The following ITGB5 variants were observed in gnomAD, a reference collection of about 807,000 sequenced individuals.
The protein encoded by ITGB5 is integrin beta-5.
Under a neutral mutation model 84.8 loss-of-function variants are expected in ITGB5, and 38 were observed. That is an observed-to-expected ratio of 0.45 (90% CI 0.35 to 0.59). The LOEUF (loss-of-function observed/expected upper bound fraction) is 0.59. Among genes scored for constraint, ITGB5 ranks in the 20% least tolerant of loss-of-function variants. ITGB5 has a pLI of 0.01. For missense variants in ITGB5, 905 were observed against 1,034.5 expected (o/e 0.87, Z 1.72); for synonymous variants, 393 against 414.4 (o/e 0.95, Z 0.63).
At chr3:124,819,963 G>A in intron 6 of ITGB5, 129 bp from the exon 7 acceptor site, 3 of 741,976 alleles carry the variant, frequency 4.0e-6, no homozygotes, top group South Asian at 3.0e-5. Flanking sequence ...GCCCCTTAGA[G>A]TCCCTTAATA....
At chr3:124,812,188 G>C (rs1357409463) in intron 8 of ITGB5, among the ~76,000 whole-genome samples, 1 of 152,168 alleles carries the variant, frequency 6.6e-6, no homozygotes, top group African/African-American at 2.4e-5. Context: ...TGAATGGATG[G>C]AGTCAAAGTG....
intron 1 of ITGB5, among the ~76,000 whole-genome samples, chr3:124,900,345 AATATGTGTGAGGC>A (rs1261765754): frequency 6.6e-6 from 1 of 152,200 alleles, no homozygotes; most frequent in Non-Finnish European, 1.5e-5. Context: ...TAAAGGGGTT[AATATGTGTGAGGC>A]ACAAGAATTG....
chr3:124,890,667 C>T (rs1267158184), upstream of ITGB5, among the ~76,000 whole-genome samples: 3 of 152,144 alleles, frequency 2.0e-5, no homozygotes, highest in Admixed American at 6.5e-5. Flanking sequence ...GAAAGTTCTG[C>T]GATCAAACCT....
At chr3:124,827,833 T>A (rs1437250911) in intron 5 of ITGB5, among the ~76,000 whole-genome samples, 1 of 152,118 alleles carries the variant, frequency 6.6e-6, no homozygotes, top group Non-Finnish European at 1.5e-5. Flanking sequence ...ACTGATGACA[T>A]TACCTTGTGA....
At chr3:124,895,884 A>G (rs1426480276) in intron 1 of ITGB5, among the ~76,000 whole-genome samples, 1 of 152,216 alleles carries the variant, frequency 6.6e-6, no homozygotes, top group Non-Finnish European at 1.5e-5. Flanking sequence ...TAGCTGAGCA[A>G]CCGTGCAACT....
Position 124,817,628 on chromosome 3 carries a change from G to A in ITGB5, c.1121C>T (p.Ala374Val), listed in dbSNP as rs1254558098. The A allele has an allele frequency of 3.9e-6, 6 of 1,519,730 alleles. No individual in the cohort carries two copies. Among genetic ancestry groups the A allele is most frequent in the African/African-American group, 1.4e-5 (1 of 71,806 alleles). 94.1% of individuals were successfully genotyped at this position (1,519,730 alleles called of 1,614,324 possible). ...AAGAAACTGATGACTTACATTGTAT[G>A]CATTAATAATCAGTTGAATAATATT... Reference protein sequence around the residue: ...SKNIIQLIINAYNSIRSKVEL... With the variant: ...SKNIIQLIINVYNSIRSKVEL... The change falls in exon 8 of 15, where the codon GCA becomes GTA. Residue 374 changes from alanine (A) to valine (V), a missense_variant. By Grantham distance (64) the Ala-to-Val change is moderately conservative (BLOSUM62 0). Around this residue, in one of 3 missense-constraint regions of ITGB5, gnomAD observed 656 missense variants for 734.7 expected, o/e 0.89. Coordinates refer to ENST00000296181, the MANE Select transcript of ITGB5 (RefSeq NM_002213.5).
At chr3:124,796,894 G>A in intron 9 of ITGB5, 77 bp from the exon 10 acceptor site, 11 of 1,429,124 alleles carry the variant, frequency 7.7e-6, no homozygotes, top group South Asian at 6.9e-5. Flanking sequence ...CAGGGCCCTT[G>A]ATGAAGAGCA....
upstream of ITGB5, among the ~76,000 whole-genome samples, chr3:124,888,882 C>T (rs1934931386): frequency 1.3e-5 from 2 of 152,200 alleles, no homozygotes; most frequent in South Asian, 2.1e-4. Context: ...CTCCCAAACT[C>T]TAACAAGGTG....
intron 14 of ITGB5, 108 bp downstream of exon 14, chr3:124,764,282 GT>G: frequency 8.4e-7 from 1 of 1,195,838 alleles, no homozygotes. Context: ...TGATTCTTTT[GT>G]TTTTAATGCC....
At chr3:124,766,108 T>C in intron 13 of ITGB5, 118 bp downstream of exon 13, 1 of 976,524 alleles carries the variant, frequency 1.0e-6, no homozygotes, top group Non-Finnish European at 1.5e-6. Flanking sequence ...CTCCTCTCCC[T>C]GCAGTTTCAA....
At chr3:124,837,775 G>A (rs2064955165) in intron 5 of ITGB5, among the ~76,000 whole-genome samples, 1 of 152,238 alleles carries the variant, frequency 6.6e-6, no homozygotes, top group African/African-American at 2.4e-5. Context: ...ACCAGAGTGA[G>A]AATAAAACCA....
intron 10 of ITGB5, among the ~76,000 whole-genome samples, chr3:124,783,290 C>CA (rs758967509): frequency 0.2 from 11,259 of 56,064 alleles, 1,173 homozygotes; most frequent in Non-Finnish European, 0.24. Context: ...GACTCCGTCT[C>CA]AAAAAAAAAA....
chr3:124,859,373 C>G lies in ITGB5; in HGVS notation c.230G>C (p.Gly77Ala). ...GCTGCTGGCTGGGCTCTCTATCTCACCTCCACAGCCATTTTTGACAAGGTT... is the reference window on the plus strand; with the variant it reads ...GCTGCTGGCTGGGCTCTCTATCTCAGCTCCACAGCCATTTTTGACAAGGTT... ...RANLVKNGCGGEIESPASSFH... is the reference protein window; with the variant it reads ...RANLVKNGCGAEIESPASSFH... Residue 77 changes from glycine to alanine, a missense_variant, in exon 3 of 15, where the codon GGT becomes GCT. This residue lies in a region of ITGB5 where 656 missense variants were observed against 734.7 expected (regional missense o/e 0.89). Transcript: ENST00000296181. The G allele has an allele frequency of 6.2e-7, 1 of 1,614,168 alleles. No homozygotes were observed. Among genetic ancestry groups the G allele is most frequent in the Non-Finnish European group, 8.5e-7 (1 of 1,180,028 alleles).
intron 3 of ITGB5, among the ~76,000 whole-genome samples, chr3:124,853,774 T>C (rs1486835045): frequency 6.6e-6 from 1 of 152,160 alleles, no homozygotes; most frequent in African/African-American, 2.4e-5. Context: ...AGAATGTACT[T>C]TTGTTATATT....
At position 124,821,531 on chromosome 3, in the gene ITGB5, C is replaced by A; in HGVS notation, c.781-57G>T. 3 of 1,562,824 alleles carry A rather than the reference C, an allele frequency of 1.9e-6. No homozygotes were observed. In the South Asian group the frequency reaches 3.4e-5, roughly 18 times the overall value. Reference sequence around the variant, plus strand: ...TCTTTCTGCCCAGTCCTGCCCTGGTCATGCAGGGCACTGGCCCCTCTCCAG... The same window carrying A: ...TCTTTCTGCCCAGTCCTGCCCTGGTAATGCAGGGCACTGGCCCCTCTCCAG... On this transcript the variant is annotated intron_variant, in intron 5 of 14. Transcript: ENST00000296181.
intron 2 of ITGB5, among the ~76,000 whole-genome samples, chr3:124,867,748 C>T (rs1484588205): frequency 6.6e-6 from 1 of 152,224 alleles, no homozygotes; most frequent in Non-Finnish European, 1.5e-5. Context: ...CTCCTCCAGG[C>T]ACATTCCTCA....
rs750712591 is a variant in ITGB5 at position 124,861,495 on chromosome 3, T to TATATATATATATATACAC, written c.157-2050_157-2049insGTGTATATATATATATAT. Among the ~76,000 whole-genome samples the TATATATATATATATACAC allele has an allele frequency of 3.8e-3, 427 of 111,924 alleles. 2 individuals carry two copies. The highest frequency in any genetic ancestry group is 0.015 in the African/African-American group (395 of 26,478). The allele number at this position is 111,924 out of a possible 152,430, so 73.4% of individuals were successfully genotyped here. A position where few individuals can be genotyped will look rare whatever the true frequency, so the allele number is the denominator to read the frequency against. ...ACAAAACAAAACATATATATATATA[T>TATATATATATATATACAC]ACACACACACACACACACACACACA... is the stretch of plus-strand genomic sequence containing the variant. On this transcript the variant is annotated intron_variant, in intron 2 of 14. Transcript: ENST00000296181.
In ITGB5 at chr3:124,784,734, T is replaced by G. The variant is rs534993134; in HGVS notation, c.1694-10822A>C. Among the ~76,000 whole-genome samples the G allele has an allele frequency of 3.3e-5, 5 of 152,350 alleles. No homozygotes were observed. The East Asian group carries it at 9.6e-4, about 29-fold the overall frequency. On this transcript the variant is annotated intron_variant, in intron 10 of 14. Transcript: ENST00000296181. ...CTGTAGCCAAAAGAAACAGAGGTAC[T>G]TCAGGTCAACACCTTAGGTTTGGCT...
intron 2 of ITGB5, among the ~76,000 whole-genome samples, chr3:124,866,164 G>A (rs2065386210): frequency 1.3e-5 from 2 of 150,492 alleles, no homozygotes; most frequent in South Asian, 2.1e-4. Context: ...TGTATTTTTA[G>A]TAGAGATGGG....
Sources: allele counts gnomAD v4.1 joint callset (sites outside exome capture counted in the v4.1 genomes callset), GRCh38; gene constraint gnomAD v4.1.1; regional missense constraint gnomAD v4.1.1; transcripts MANE v1.5; gene names NCBI Gene and HGNC (gene_info 2026-07-23, HGNC 2026-07-21).